Variants in PRKAR2B observed in about 807,000 individuals in gnomAD.
PRKAR2B encodes the protein protein kinase cAMP-dependent type II regulatory subunit beta.
PRKAR2B carries 14 observed loss-of-function variants against 49.9 expected under a neutral mutation model. That is an observed-to-expected ratio of 0.28 (90% CI 0.19 to 0.44). PRKAR2B has a LOEUF of 0.44. PRKAR2B is among the 20% of genes least tolerant of loss of function. The pLI, the probability that PRKAR2B is intolerant of heterozygous loss-of-function variation, is 1.00. For synonymous variants in PRKAR2B, 196 were observed against 197.7 expected, an observed-to-expected ratio of 0.99 and a Z score of 0.07; for missense variants, 393 against 537.9, an observed-to-expected ratio of 0.73 and a Z score of 2.67.
rs114003618 is a variant in PRKAR2B at position 107,135,072 on chromosome 7, A to G, written c.481-5775A>G. ...GAAGATAAAATTATTTGCCAATCAT[A>G]TATCTGATAAAGATCTAGTATCCAA... On this transcript the variant is annotated intron_variant, in intron 4 of 10. Transcript: ENST00000265717. Among the ~76,000 whole-genome samples the G allele has an allele frequency of 3.6e-3, 547 of 152,236 alleles. 4 individuals are homozygous for G. The highest frequency in any genetic ancestry group is 0.013 in the African/African-American group (520 of 41,544).
At chr7:107,089,723 T>G (rs1278620129) in intron 2 of PRKAR2B, among the ~76,000 whole-genome samples, 2 of 152,244 alleles carry the variant, frequency 1.3e-5, no homozygotes. Context: ...CTTACTTGTT[T>G]TGCAGATTTA....
intron 2 of PRKAR2B, chr7:107,081,797 T>C (rs946824614): frequency 2.0e-5 from 3 of 152,204 alleles, no homozygotes; most frequent in Non-Finnish European, 4.4e-5. Context: ...GGCCTTTCAC[T>C]TGAAAGACGG....
intron 2 of PRKAR2B, among the ~76,000 whole-genome samples, chr7:107,076,037 T>A (rs1365513641): frequency 1.3e-5 from 2 of 152,148 alleles, no homozygotes; most frequent in Non-Finnish European, 2.9e-5. Context: ...GATACTGTTT[T>A]GAAAAAGTTA....
In PRKAR2B at chr7:107,076,351, C is replaced by G. The variant is rs7799412; in HGVS notation, c.343+6035C>G. On this transcript the variant is annotated intron_variant, in intron 2 of 10. Transcript: ENST00000265717. ...TTTTTTTCTCTCTCTCTTTTAAATT[C>G]AAGCTAATTCAAGGATTTTTTATTG... 4.0e-3 allele frequency among the ~76,000 whole-genome samples: 602 copies of G among 152,180 alleles called. 2 individuals carry two copies. Among genetic ancestry groups the G allele is most frequent in the African/African-American group, 0.014 (571 of 41,540 alleles).
At position 107,138,327 on chromosome 7, in the gene PRKAR2B, T is replaced by TC. The variant is rs559500223; in HGVS notation, c.481-2519dup. Among the ~76,000 whole-genome samples, 310 of 152,344 alleles carry TC rather than the reference T, an allele frequency of 2.0e-3. 1 individual carries two copies. Among genetic ancestry groups the TC allele is most frequent in the Non-Finnish European group, 3.3e-3 (223 of 68,024 alleles). On this transcript the variant is annotated intron_variant, in intron 4 of 10. Coordinates refer to ENST00000265717, the MANE Select transcript of PRKAR2B (RefSeq NM_002736.3). ...GATGTTTATCTTGGGGGAGTCTGTG[T>TC]CATGTGTTGGGGTAGAGGATATGTG...
chr7:107,064,461 A>G (rs1215549023), intron 1 of PRKAR2B, among the ~76,000 whole-genome samples: 2 of 152,160 alleles, frequency 1.3e-5, no homozygotes, highest in Non-Finnish European at 2.9e-5. Context: ...TGGGTTGGAC[A>G]CCTGATCTCT....
At chr7:107,060,237 T>C (rs1480224392) in intron 1 of PRKAR2B, among the ~76,000 whole-genome samples, 2 of 152,200 alleles carry the variant, frequency 1.3e-5, no homozygotes, top group Non-Finnish European at 2.9e-5. Context: ...ACTGCTGCTA[T>C]AGGGTATGTA....
intron 1 of PRKAR2B, chr7:107,066,911 G>T (rs1268397755): frequency 1.3e-5 from 2 of 152,198 alleles, no homozygotes; most frequent in Non-Finnish European, 2.9e-5. Context: ...CTGAAAGAAG[G>T]AGGGCAGATT....
At chr7:107,108,306 A>G (rs1030629699) in intron 2 of PRKAR2B, among the ~76,000 whole-genome samples, 10 of 152,250 alleles carry the variant, frequency 6.6e-5, no homozygotes, top group Admixed American at 5.2e-4. Flanking sequence ...CCCGACTTAC[A>G]TAGAATAGAA....
At chr7:107,115,327 G>A (rs772554379) in intron 2 of PRKAR2B, among the ~76,000 whole-genome samples, 5 of 152,042 alleles carry the variant, frequency 3.3e-5, no homozygotes, top group African/African-American at 4.8e-5. Context: ...CATGAACATC[G>A]CTGGTCTGGG....
intron 5 of PRKAR2B, among the ~76,000 whole-genome samples, chr7:107,141,939 C>A (rs1036911049): frequency 1.3e-5 from 2 of 152,216 alleles, no homozygotes; most frequent in South Asian, 4.1e-4. Flanking sequence ...TTTACCTCAT[C>A]ATAGAACAAT....
intron 1 of PRKAR2B, among the ~76,000 whole-genome samples, chr7:107,066,151 C>G (rs1347451403): frequency 1.3e-5 from 2 of 151,872 alleles, no homozygotes; most frequent in African/African-American, 4.8e-5. Context: ...GTCTTTTTTC[C>G]TTGGGGATTC....
chr7:107,122,309 A>G (rs1411256913), intron 3 of PRKAR2B, among the ~76,000 whole-genome samples: 2 of 152,222 alleles, frequency 1.3e-5, no homozygotes, highest in African/African-American at 4.8e-5. Context: ...AAACAAAAAT[A>G]CTGGGAAAGA....
At chr7:107,061,788 T>G (rs1794031966) in intron 1 of PRKAR2B, among the ~76,000 whole-genome samples, 1 of 152,124 alleles carries the variant, frequency 6.6e-6, no homozygotes, top group Non-Finnish European at 1.5e-5. Context: ...TCCCAGCTAC[T>G]TGGGAGGCTG....
chr7:107,159,429 A>G lies in PRKAR2B; in HGVS notation c.1124-20A>G. 2 of 1,611,532 alleles carry G rather than the reference A, an allele frequency of 1.2e-6. No homozygotes were observed. The highest frequency in any genetic ancestry group is 1.7e-6 in the Non-Finnish European group (2 of 1,179,136). ...ATTTGCAAAGAATGTTATTTAAAAA[A>G]AAATCTTCTCTTTTCTCAGCAATGG... On this transcript the variant is annotated intron_variant, in intron 10 of 10. Transcript: ENST00000265717.
chr7:107,107,063 G>A (rs1408767314), intron 2 of PRKAR2B, among the ~76,000 whole-genome samples: 1 of 152,172 alleles, frequency 6.6e-6, no homozygotes, highest in African/African-American at 2.4e-5. Context: ...TAGGTTGGGT[G>A]CGGTGGCTCA....
chr7:107,131,232 G>C (rs1432066313), intron 4 of PRKAR2B, among the ~76,000 whole-genome samples: 2 of 152,202 alleles, frequency 1.3e-5, no homozygotes, highest in Non-Finnish European at 1.5e-5. Context: ...GGTGTCTGTA[G>C]GGTTAAGTGA....
intron 2 of PRKAR2B, among the ~76,000 whole-genome samples, chr7:107,096,350 T>C (rs1292351411): frequency 6.6e-6 from 1 of 152,198 alleles, no homozygotes; most frequent in Non-Finnish European, 1.5e-5. Context: ...GGTGGTGATA[T>C]CCCCTTTATC....
intron 2 of PRKAR2B, among the ~76,000 whole-genome samples, chr7:107,116,530 CAG>C (rs1795276298): frequency 6.6e-6 from 1 of 152,004 alleles, no homozygotes; most frequent in South Asian, 2.1e-4. Flanking sequence ...AAATGTATAA[CAG>C]AAGAATATGT....
Sources: gnomAD v4.1 joint callset for allele counts (sites outside exome capture counted in the v4.1 genomes callset) on GRCh38, gnomAD v4.1.1 for gene constraint, MANE v1.5 for transcripts, NCBI Gene and HGNC (gene_info 2026-07-23, HGNC 2026-07-21) for gene names.